Variants in CHAF1A observed in about 807,000 individuals in gnomAD.
The protein encoded by CHAF1A is CAF-1 subunit A.
A neutral mutation model predicts 93.2 loss-of-function variants in CHAF1A; 5 were observed. That is an observed-to-expected ratio of 0.05 (90% confidence interval 0.03 to 0.11). CHAF1A has a LOEUF of 0.11. Ranked by LOEUF, CHAF1A falls within the 10% of genes least tolerant of loss-of-function variation. The pLI, the probability that CHAF1A is intolerant of heterozygous loss-of-function variation, is 1.00. For synonymous variants in CHAF1A, 504 were observed against 510.3 expected (o/e 0.99, Z 0.17); for missense variants, 1,102 against 1,259.9 (o/e 0.87, Z 1.90).
At chr19:4,409,989 G>T (rs978702315) in intron 3 of CHAF1A, among the ~76,000 whole-genome samples, 1 of 152,216 alleles carries the variant, frequency 6.6e-6, no homozygotes, top group Admixed American at 6.5e-5. Context: ...GGTGTACTGT[G>T]TGAATAACAC....
Position 4,419,987 on chromosome 19 carries a change from T to C in CHAF1A, c.1017+1911T>C, listed in dbSNP as rs565613163. ...TCACCTTCCTCGTGTGTCTCGTATA[T>C]CAGATGCAGTCACACAGCACACTGG... On this transcript the variant is annotated intron_variant, in intron 4 of 14. Coordinates refer to ENST00000301280, the MANE Select transcript of CHAF1A (RefSeq NM_005483.3). Among the ~76,000 whole-genome samples, 29 of 152,274 alleles carry C rather than the reference T, an allele frequency of 1.9e-4. No homozygotes were observed. The Middle Eastern group carries it at 0.01, about 54-fold the overall frequency.
At chr19:4,423,912 C>G in intron 7 of CHAF1A, 38 bp downstream of exon 7, 1 of 1,583,236 alleles carries the variant, frequency 6.3e-7, no homozygotes, top group Non-Finnish European at 8.7e-7. Context: ...GGTTTCAGCT[C>G]TGCTAGACTT....
At chr19:4,410,402 T>TTG (rs1555748019) in intron 3 of CHAF1A, among the ~76,000 whole-genome samples, 5 of 151,198 alleles carry the variant, frequency 3.3e-5, no homozygotes, top group African/African-American at 4.9e-5. Context: ...TTTTTTTTTT[T>TTG]GACAGAGTCA....
At chr19:4,421,496 G>T (rs1973990194) in intron 4 of CHAF1A, among the ~76,000 whole-genome samples, 1 of 152,146 alleles carries the variant, frequency 6.6e-6, no homozygotes, top group South Asian at 2.1e-4. Flanking sequence ...CACTTCTGTG[G>T]CTGGGTGCTG....
At chr19:4,443,523 CTGTT>C (rs571569498), downstream of CHAF1A, 463 of 163,652 alleles carry the variant, frequency 2.8e-3, 3 homozygotes, top group African/African-American at 0.011. Flanking sequence ...ACCGTCCCAT[CTGTT>C]TGTCACTAAG....
At chr19:4,426,066 C>CT (rs888320610) in intron 7 of CHAF1A, among the ~76,000 whole-genome samples, 4 of 146,332 alleles carry the variant, frequency 2.7e-5, no homozygotes, top group African/African-American at 7.6e-5. Context: ...ACAGGATTTT[C>CT]TTTTTTTTTC....
downstream of CHAF1A, chr19:4,446,390 C>A (rs1199649161): frequency 1.3e-6 from 2 of 1,578,180 alleles, no homozygotes; most frequent in South Asian, 1.1e-5. Flanking sequence ...CCGCAGCACG[C>A]TCAGCCGCTC....
At position 4,408,851 on chromosome 19, in the gene CHAF1A, G is replaced by A. The variant is rs1200898505; in HGVS notation, c.104-52G>A. 1.9e-6 allele frequency: 3 copies of A among 1,543,212 alleles called. No homozygotes were observed. The East Asian group carries it at 6.8e-5, about 35-fold the overall frequency. On this transcript the variant is annotated intron_variant, in intron 2 of 14. Coordinates refer to ENST00000301280, the MANE Select transcript of CHAF1A (RefSeq NM_005483.3). ...AAATCAGTAATTTTCAAGCTCATGA[G>A]TGGTTGTAACTTTAAACGTTCACTA...
rs538671260 is a variant in CHAF1A, at chr19:4,436,143, A to T, written c.2673+2604A>T. ...AACACAGCAAGATTCTAGTCCCCCA[A>T]AAAAAAAAGAAAAGAAAAGGTGGTC... On this transcript the variant is annotated intron_variant, in intron 13 of 14. Coordinates refer to ENST00000301280, the MANE Select transcript of CHAF1A (RefSeq NM_005483.3). Among the ~76,000 whole-genome samples, 3 of 149,046 alleles carry T rather than the reference A, an allele frequency of 2.0e-5. No homozygotes were observed. The South Asian group carries it at 6.3e-4, about 31-fold the overall frequency.
intron 7 of CHAF1A, among the ~76,000 whole-genome samples, chr19:4,424,522 T>C (rs1471381740): frequency 6.6e-6 from 1 of 152,120 alleles, no homozygotes; most frequent in African/African-American, 2.4e-5. Flanking sequence ...GTAGTGCAGT[T>C]GCACAATCAA....
chr19:4,434,297 G>A (rs1269051036), intron 13 of CHAF1A, among the ~76,000 whole-genome samples: 1 of 152,170 alleles, frequency 6.6e-6, no homozygotes, highest in South Asian at 2.1e-4. Flanking sequence ...AGTGAGCTAT[G>A]ATCATGCCAC....
intron 3 of CHAF1A, among the ~76,000 whole-genome samples, chr19:4,414,030 C>T (rs1973855514): frequency 6.6e-6 from 1 of 152,160 alleles, no homozygotes; most frequent in Non-Finnish European, 1.5e-5. Context: ...GAATCTTTGG[C>T]TTGCTTCTGT....
chr19:4,435,402 T>C (rs1381717281), intron 13 of CHAF1A, among the ~76,000 whole-genome samples: 1 of 152,020 alleles, frequency 6.6e-6, no homozygotes, highest in African/African-American at 2.4e-5. Flanking sequence ...GTCAGGGGTC[T>C]TACTCTGTTG....
In CHAF1A at chr19:4,442,949, C is replaced by A; in HGVS notation, c.2795C>A (p.Ala932Asp). The change falls in exon 15 of 15, where the codon GCT (alanine) becomes GAT (aspartate). Residue 932 changes from alanine (A) to aspartate (D), a missense_variant. Ala to Asp is a moderately radical substitution (Grantham distance 126). This residue lies in a region of CHAF1A where 119 missense variants were observed against 102.2 expected (regional missense o/e 1.16). Coordinates refer to ENST00000301280, the MANE Select transcript of CHAF1A (RefSeq NM_005483.3). ...AAEVQAPCGA[A>D]SGAGGGVGVD... ...GAGGTCCAAGCCCCGTGTGGAGCCGCTTCCGGAGCTGGGGGTGGTGTGGGG... is the reference window on the plus strand; with the variant it reads ...GAGGTCCAAGCCCCGTGTGGAGCCGATTCCGGAGCTGGGGGTGGTGTGGGG... 1 of 1,602,496 alleles carries A rather than the reference C, an allele frequency of 6.2e-7. No individual in the cohort carries two copies. Among genetic ancestry groups the A allele is most frequent in the South Asian group, 1.1e-5 (1 of 88,242 alleles).
rs1973607505 is a variant in CHAF1A, at chr19:4,402,827, C to T, written c.52+13C>T. On this transcript the variant is annotated intron_variant, in intron 1 of 14. Transcript: ENST00000301280. ...GGAGCCGCCACAGGTCGGTTCGGGC[C>T]CGCGCCGAGGGGAAGGGGGGGCGCG... 5.8e-6 allele frequency: 7 copies of T among 1,200,348 alleles called. No homozygotes were observed. Among genetic ancestry groups the T allele is most frequent in the Non-Finnish European group, 7.2e-6 (7 of 967,172 alleles). 74.4% of individuals were successfully genotyped at this position (1,200,348 alleles called of 1,614,324 possible). A position where few individuals can be genotyped will look rare whatever the true frequency, so the allele number is the denominator to read the frequency against.
At chr19:4,447,062 G>A, downstream of CHAF1A, 2 of 750,000 alleles carry the variant, frequency 2.7e-6, no homozygotes, top group South Asian at 3.5e-5. Context: ...GGGTGCCTCA[G>A]TGCTGGATGC....
At chr19:4,426,142 A>G (rs981043287) in intron 7 of CHAF1A, among the ~76,000 whole-genome samples, 1 of 146,820 alleles carries the variant, frequency 6.8e-6, no homozygotes, top group African/African-American at 2.5e-5. Context: ...ATTTCGTCTC[A>G]GCCTGTTACC....
At chr19:4,409,903 T>C in intron 3 of CHAF1A, 144 bp downstream of exon 3, 1 of 907,542 alleles carries the variant, frequency 1.1e-6, no homozygotes, top group Non-Finnish European at 1.6e-6. Context: ...GAGTTCTTCC[T>C]GGTATCAAAA....
At chr19:4,447,350 T>G, downstream of CHAF1A, 1 of 601,540 alleles carries the variant, frequency 1.7e-6, no homozygotes, top group Middle Eastern at 4.4e-4. Flanking sequence ...AATTTGTTGA[T>G]TTGGGGTGAC....
Sources: allele counts gnomAD v4.1 joint callset (sites outside exome capture counted in the v4.1 genomes callset), GRCh38; gene constraint gnomAD v4.1.1; regional missense constraint gnomAD v4.1.1; transcripts MANE v1.5; gene names NCBI Gene and HGNC (gene_info 2026-07-23, HGNC 2026-07-21).